The following ULK4 variants were observed in gnomAD, a reference collection of about 807,000 sequenced individuals.
ULK4 encodes inactive serine/threonine-protein kinase ULK4.
ULK4 carries 133 observed loss-of-function variants against 160.6 expected under a neutral mutation model. The ratio of observed to expected loss-of-function variants is 0.83; its 90% confidence interval spans 0.72 to 0.96. The LOEUF is 0.96. Among genes scored for constraint, ULK4 ranks in the 40% least tolerant of loss-of-function variants. The probability of loss-of-function intolerance (pLI) is 0.00; values close to 1 mark genes in which losing one functional copy is unlikely to be tolerated. For missense variants in ULK4, 1,580 were observed against 1,499.5 expected (o/e 1.05, Z -0.89); for synonymous variants, 534 against 539.8 (o/e 0.99, Z 0.15).
intron 19 of ULK4, among the ~76,000 whole-genome samples, chr3:41,804,488 T>C (rs1252964273): frequency 1.3e-5 from 2 of 150,936 alleles, no homozygotes; most frequent in Admixed American, 1.3e-4. Flanking sequence ...TTAGTTTAAT[T>C]AGATCCCATT....
chr3:41,776,291 T>C (rs1250410974), intron 21 of ULK4, among the ~76,000 whole-genome samples: 4 of 151,034 alleles, frequency 2.6e-5, no homozygotes, highest in Admixed American at 6.6e-5. Context: ...ACTTTTCCTT[T>C]TCATTATTAG....
chr3:41,800,047 T>C, intron 20 of ULK4, 85 bp downstream of exon 20: 1 of 1,250,178 alleles, frequency 8.0e-7, no homozygotes. Flanking sequence ...TCTATTAAAT[T>C]AAATTTATTC....
At chr3:41,605,217 G>T (rs1007374492) in intron 31 of ULK4, among the ~76,000 whole-genome samples, 3 of 151,106 alleles carry the variant, frequency 2.0e-5, no homozygotes, top group Non-Finnish European at 4.4e-5. Context: ...AAAAACAACA[G>T]AAGGTACAAT....
At chr3:41,286,645 G>C (rs1239106679) in intron 35 of ULK4, among the ~76,000 whole-genome samples, 1 of 152,172 alleles carries the variant, frequency 6.6e-6, no homozygotes, top group Non-Finnish European at 1.5e-5. Context: ...GAAAAAGGGA[G>C]GCTGGTGCTG....
Position 41,857,822 on chromosome 3 carries a change from T to C in ULK4, c.1657-21851A>G, listed in dbSNP as rs181320884. ...ATTAGTTGTAATGTGTCCTTTTTCA[T>C]TTCTGATTTTATTTATTTGGATCTT... On this transcript the variant is annotated intron_variant, in intron 17 of 36. Transcript: ENST00000301831. Among the ~76,000 whole-genome samples, 476 of 152,274 alleles carry C rather than the reference T, an allele frequency of 3.1e-3. 1 individual carries two copies. Among genetic ancestry groups the C allele is most frequent in the African/African-American group, 0.011 (452 of 41,566 alleles).
At chr3:41,740,725 C>A (rs1298076057) in intron 22 of ULK4, among the ~76,000 whole-genome samples, 1 of 152,054 alleles carries the variant, frequency 6.6e-6, no homozygotes, top group East Asian at 1.9e-4. Flanking sequence ...TATGAGGCTT[C>A]CATTCTCAGG....
chr3:41,431,626 C>T (rs1411030806), intron 34 of ULK4, among the ~76,000 whole-genome samples: 2 of 139,670 alleles, frequency 1.4e-5, no homozygotes, highest in Non-Finnish European at 3.0e-5. Flanking sequence ...GTAAAGCCTA[C>T]TCAACCACAC....
intron 27 of ULK4, among the ~76,000 whole-genome samples, chr3:41,693,095 T>C (rs780250094): frequency 9.2e-5 from 14 of 152,250 alleles, no homozygotes; most frequent in Non-Finnish European, 1.3e-4. Context: ...CCCAAGATGA[T>C]GCTTTGTTTA....
intron 34 of ULK4, among the ~76,000 whole-genome samples, chr3:41,419,086 G>A (rs977918711): frequency 1.3e-5 from 2 of 152,186 alleles, no homozygotes; most frequent in Non-Finnish European, 2.9e-5. Context: ...TAGATTGATA[G>A]ATAAATGGAT....
chr3:41,415,374 A>G (rs1310115956), intron 34 of ULK4, among the ~76,000 whole-genome samples: 1 of 152,080 alleles, frequency 6.6e-6, no homozygotes, highest in African/African-American at 2.4e-5. Context: ...GAAGTAACCA[A>G]TGCTCCACTA....
intron 35 of ULK4, among the ~76,000 whole-genome samples, chr3:41,393,171 C>T (rs966068862): frequency 2.6e-5 from 4 of 152,188 alleles, no homozygotes. Flanking sequence ...AACAAAACCG[C>T]TGTATTTTAT....
chr3:41,463,314 A>T (rs2083741280), intron 32 of ULK4, 61 bp from the exon 33 acceptor site: 4 of 1,526,806 alleles, frequency 2.6e-6, no homozygotes, highest in Non-Finnish European at 3.6e-6. Context: ...GTGTCATATG[A>T]ACCAAAAAGA....
chr3:41,507,562 CTT>C (rs1486205893), intron 32 of ULK4, among the ~76,000 whole-genome samples: 2 of 125,470 alleles, frequency 1.6e-5, no homozygotes, highest in Non-Finnish European at 3.2e-5. Context: ...GGGGAAAACA[CTT>C]TTCTTCCCAC....
At chr3:41,550,220 G>T (rs1429654703) in intron 32 of ULK4, among the ~76,000 whole-genome samples, 3 of 151,818 alleles carry the variant, frequency 2.0e-5, no homozygotes, top group African/African-American at 7.3e-5. Context: ...AAAAGAGAAA[G>T]AAAGAAACAA....
intron 34 of ULK4, among the ~76,000 whole-genome samples, chr3:41,399,202 G>T (rs1189496532): frequency 6.6e-6 from 1 of 152,110 alleles, no homozygotes; most frequent in Non-Finnish European, 1.5e-5. Flanking sequence ...ATCTTAGTAG[G>T]TCTAGAGGGG....
At chr3:41,479,743 G>T (rs553065539) in intron 32 of ULK4, among the ~76,000 whole-genome samples, 1 of 152,192 alleles carries the variant, frequency 6.6e-6, no homozygotes, top group African/African-American at 2.4e-5. Flanking sequence ...CTAAAGGACA[G>T]GAGACACTAG....
At chr3:41,612,349 T>A (rs989786392) in intron 31 of ULK4, among the ~76,000 whole-genome samples, 4 of 152,132 alleles carry the variant, frequency 2.6e-5, no homozygotes, top group African/African-American at 9.7e-5. Context: ...TCTGTGAGAT[T>A]CTCCCACTTT....
intron 30 of ULK4, among the ~76,000 whole-genome samples, chr3:41,628,839 C>T (rs913017544): frequency 6.6e-6 from 1 of 152,166 alleles, no homozygotes; most frequent in Non-Finnish European, 1.5e-5. Flanking sequence ...CTTTGTACTA[C>T]TTTGACTCTG....
Position 41,468,599 on chromosome 3 carries a change from T to C in ULK4, c.3227-5346A>G, listed in dbSNP as rs146294066. ...AACACTCTGATGAAATCCTCCAAAA[T>C]TGGGAATAAGCCTGAGTCACCTGTG... On this transcript the variant is annotated intron_variant, in intron 32 of 36. Coordinates refer to ENST00000301831, the MANE Select transcript of ULK4 (RefSeq NM_017886.4). 1.0e-3 allele frequency among the ~76,000 whole-genome samples: 157 copies of C among 152,246 alleles called. 2 individuals carry two copies. The East Asian group carries it at 0.024, about 23-fold the overall frequency.
Sources: allele counts gnomAD v4.1 joint callset (sites outside exome capture counted in the v4.1 genomes callset), GRCh38; gene constraint gnomAD v4.1.1; transcripts MANE v1.5; gene names NCBI Gene and HGNC (gene_info 2026-07-23, HGNC 2026-07-21).